The following DDX5 variants were observed in gnomAD, a reference collection of about 807,000 sequenced individuals.
The protein encoded by DDX5 is probable ATP-dependent RNA helicase DDX5.
Under a neutral mutation model 68.6 loss-of-function variants are expected in DDX5, and 6 were observed. That is an observed-to-expected ratio of 0.09 (90% CI 0.05 to 0.17). The LOEUF is 0.17. DDX5 is among the 10% of genes least tolerant of loss of function. The probability of loss-of-function intolerance (pLI) is 1.00; values close to 1 mark genes in which losing one functional copy is unlikely to be tolerated. For synonymous variants in DDX5, 350 were observed against 247.0 expected (o/e 1.42, Z -3.91); for missense variants, 499 against 756.1 (o/e 0.66, Z 3.99).
chr17:64,506,659 T>G (rs1318299107), upstream of DDX5: 11 of 346,926 alleles, frequency 3.2e-5, no homozygotes, highest in East Asian at 4.9e-4. Flanking sequence ...GGGCCTGGCG[T>G]TGTCACGTGG....
At chr17:64,502,352 T>C (rs1292190979) in intron 9 of DDX5, 87 bp downstream of exon 9, 8 of 1,447,942 alleles carry the variant, frequency 5.5e-6, no homozygotes, top group Non-Finnish European at 6.7e-6. Context: ...CTATCAGATA[T>C]GAAAAAAATC....
At chr17:64,504,947 TTCGAGAGG>T in intron 1 of DDX5, 105 bp from the exon 2 acceptor site, 1 of 1,097,112 alleles carries the variant, frequency 9.1e-7, no homozygotes, top group South Asian at 1.7e-5. Flanking sequence ...GAAAACAGAC[TTCGAGAGG>T]TAAACCTAGC....
upstream of DDX5, chr17:64,506,754 C>T (rs577153164): frequency 4.1e-6 from 2 of 487,778 alleles, no homozygotes; most frequent in Admixed American, 3.7e-5. Context: ...AAATAGCTCA[C>T]CGGAAGTGCG....
intron 10 of DDX5, 25 bp from the exon 11 acceptor site, chr17:64,502,094 T>C (rs782311415): frequency 6.2e-7 from 1 of 1,613,898 alleles, no homozygotes; most frequent in Non-Finnish European, 8.5e-7. Flanking sequence ...ATATACATGA[T>C]CAATTATCTG....
At chr17:64,501,707 ATT>A (rs1346413702) in intron 11 of DDX5, 3 of 429,972 alleles carry the variant, frequency 7.0e-6, no homozygotes, top group African/African-American at 6.0e-5. Flanking sequence ...GATAACTTCC[ATT>A]TTTTCCCTCG....
chr17:64,501,535 T>G (rs1555671086), intron 11 of DDX5: 1 of 164,296 alleles, frequency 6.1e-6, no homozygotes, highest in African/African-American at 2.4e-5. Context: ...TGAACAAAAA[T>G]TTCATTGAAC....
chr17:64,502,777 G>A (rs1363710055), intron 8 of DDX5, 149 bp downstream of exon 8: 4 of 837,246 alleles, frequency 4.8e-6, no homozygotes, highest in East Asian at 2.7e-5. Flanking sequence ...GCCATTATTT[G>A]AAGGATTCAA....
At position 64,499,792 on chromosome 17, in the gene DDX5, T is replaced by C. The variant is rs2038249148; in HGVS notation, c.*131A>G. ...ATATCCAACTTAAATAGCGAAAAAG[T>C]GCACCATAATTACTGCTGCACTGCA... On this transcript the variant is annotated 3_prime_UTR_variant, in exon 13 of 13. Transcript: ENST00000225792. 1.2e-6 allele frequency: 1 copy of C among 827,900 alleles called. No homozygotes were observed. The highest frequency in any genetic ancestry group is 1.7e-6 in the Non-Finnish European group (1 of 577,788). 51.3% of individuals were successfully genotyped at this position (827,900 alleles called of 1,614,324 possible).
At chr17:64,503,597 C>T in intron 5 of DDX5, 26 bp from the exon 6 acceptor site, 1 of 1,612,146 alleles carries the variant, frequency 6.2e-7, no homozygotes, top group Non-Finnish European at 8.5e-7. Context: ...CAGCTTTCAG[C>T]ACAAACCTGG....
intron 1 of DDX5, 36 bp from the exon 2 acceptor site, chr17:64,504,878 T>G (rs201484794): frequency 6.3e-7 from 1 of 1,580,744 alleles, no homozygotes; most frequent in South Asian, 1.2e-5. Context: ...CATTTTCAAA[T>G]GGCTATACCC....
chr17:64,500,926 A>G (rs1035595313), intron 11 of DDX5, 153 bp from the exon 12 acceptor site: 2 of 624,220 alleles, frequency 3.2e-6, no homozygotes, highest in African/African-American at 3.7e-5. Context: ...TCCTGTAGGA[A>G]TACCATTGAG....
intron 12 of DDX5, 65 bp downstream of exon 12, chr17:64,500,484 T>C: frequency 6.4e-7 from 1 of 1,552,272 alleles, no homozygotes; most frequent in Non-Finnish European, 8.8e-7. Context: ...CCAATACCAT[T>C]TAAATGGATT....
chr17:64,500,911 C>T, intron 11 of DDX5, 138 bp from the exon 12 acceptor site: 1 of 645,806 alleles, frequency 1.5e-6, no homozygotes, highest in South Asian at 1.9e-5. Context: ...AAATGGTTAT[C>T]CATTTCCTGT....
upstream of DDX5, chr17:64,506,520 C>G: frequency 1.4e-6 from 1 of 713,332 alleles, no homozygotes; most frequent in Non-Finnish European, 2.1e-6. Flanking sequence ...TCACCTTCTT[C>G]TGGTCTTTCC....
At chr17:64,505,399 T>C in intron 1 of DDX5, 1 of 505,376 alleles carries the variant, frequency 2.0e-6, no homozygotes, top group South Asian at 2.4e-5. Flanking sequence ...ATCAAAATTA[T>C]ATAACGCAGG....
rs149976352 is a variant in DDX5 at position 64,499,976 on chromosome 17, T to C, written c.1792A>G (p.Thr598Ala). ...MNQQAYAYPA[T>A]AAAPMIGYPM... ...TAACCAATCATAGGTGCAGCTGCAG[T>C]AGCAGGATATGCATATGCCTGTTGG... Residue 598 changes from threonine to alanine, a missense_variant, in exon 13 of 13, where the codon ACT becomes GCT. Thr to Ala is a moderately conservative substitution (Grantham distance 58). This residue lies in a region of DDX5 where 171 missense variants were observed against 174.8 expected (regional missense o/e 0.98). Coordinates refer to ENST00000225792, the MANE Select transcript of DDX5 (RefSeq NM_004396.5). 5 of 1,613,420 alleles carry C rather than the reference T, an allele frequency of 3.1e-6. No individual in the cohort carries two copies. In the African/African-American group the frequency reaches 5.3e-5, roughly 17 times the overall value.
chr17:64,503,580 A>G lies in DDX5; in HGVS notation c.508-9T>C, dbSNP rs1555671493. On this transcript the variant is annotated splice_polypyrimidine_tract_variant and intron_variant, in intron 5 of 12. Coordinates refer to ENST00000225792, the MANE Select transcript of DDX5 (RefSeq NM_004396.5). The stretch of plus-strand genomic sequence containing the variant: ...GGTGCCAGCACCAAACACTAAGGAA[A>G]GAGAAACAGCTTTCAGCACAAACCT... The G allele has an allele frequency of 6.2e-7, 1 of 1,613,088 alleles. No homozygotes were observed. The highest frequency in any genetic ancestry group is 1.7e-5 in the Admixed American group (1 of 59,700).
chr17:64,503,360 T>A lies in DDX5; in HGVS notation c.650-12A>T. 6.2e-7 allele frequency: 1 copy of A among 1,614,088 alleles called. No individual in the cohort carries two copies. Among genetic ancestry groups the A allele is most frequent in the Non-Finnish European group, 8.5e-7 (1 of 1,179,976 alleles). On this transcript the variant is annotated splice_polypyrimidine_tract_variant and intron_variant, in intron 6 of 12. Transcript: ENST00000225792. The stretch of plus-strand genomic sequence containing the variant: ...ACAGATTTCCACACCTTTAATTAAA[T>A]ACGTAAGTGTAACTACAATACCTAG...
At chr17:64,504,376 G>A (rs991553429) in intron 2 of DDX5, 58 bp from the exon 3 acceptor site, 8 of 1,412,342 alleles carry the variant, frequency 5.7e-6, no homozygotes, top group African/African-American at 2.8e-5. Context: ...AGCTAAATAC[G>A]TAATTGATAA....
Sources: allele counts gnomAD v4.1 joint callset, GRCh38; gene constraint gnomAD v4.1.1; regional missense constraint gnomAD v4.1.1; transcripts MANE v1.5; gene names NCBI Gene and HGNC (gene_info 2026-07-23, HGNC 2026-07-21).